ZFAT: variants seen among roughly 807,000 people sequenced by gnomAD.
ZFAT encodes the protein zinc finger and AT-hook domain containing, also known as zinc finger protein ZFAT.
Under a neutral mutation model 117.7 loss-of-function variants are expected in ZFAT, and 64 were observed. The observed-to-expected ratio is 0.54, with a 90% CI of 0.44 to 0.67. The LOEUF (loss-of-function observed/expected upper bound fraction) is 0.67. Among genes scored for constraint, ZFAT ranks in the 30% least tolerant of loss-of-function variants. The probability of loss-of-function intolerance (pLI) is 0.00; values close to 1 mark genes in which losing one functional copy is unlikely to be tolerated. For missense variants in ZFAT, 1,433 were observed against 1,584.5 expected (o/e 0.90, Z 1.62); for synonymous variants, 679 against 615.0 (o/e 1.10, Z -1.54).
the ZFAT span, among the ~76,000 whole-genome samples, chr8:134,721,619 T>A: frequency 6.6e-6 from 1 of 152,234 alleles, no homozygotes; most frequent in South Asian, 2.1e-4. Context: ...TAGAACATTT[T>A]ACCCATATTT....
At chr8:134,804,721 GGAGA>G in the ZFAT span, among the ~76,000 whole-genome samples, 1 of 152,164 alleles carries the variant, frequency 6.6e-6, no homozygotes, top group Non-Finnish European at 1.5e-5. Context: ...CCTGTTATTA[GGAGA>G]GCACCCTACA....
chr8:134,509,867 C>G lies in ZFAT; in HGVS notation c.3362-118G>C, dbSNP rs994012646. On this transcript the variant is annotated intron_variant, in intron 14 of 15. Coordinates refer to ENST00000377838, the MANE Select transcript of ZFAT (RefSeq NM_020863.4). ...GCCTTCTCCAGAGGATGCATGGGCT[C>G]TCCGTAATCGCTCAGTTTGACAACA... 7.7e-6 allele frequency: 10 copies of G among 1,294,220 alleles called. No individual in the cohort carries two copies. The African/African-American group carries it at 1.2e-4, about 15-fold the overall frequency. The allele number at this position is 1,294,220 out of a possible 1,614,324, so 80.2% of individuals were successfully genotyped here.
chr8:134,692,751 C>A (rs1833643741), intron 1 of ZFAT, among the ~76,000 whole-genome samples: 1 of 152,238 alleles, frequency 6.6e-6, no homozygotes, highest in Non-Finnish European at 1.5e-5. Flanking sequence ...ACACCAGATG[C>A]CTCGGGCTAA....
At chr8:134,657,448 G>T in intron 2 of ZFAT, 113 bp downstream of exon 2, 2 of 1,126,294 alleles carry the variant, frequency 1.8e-6, no homozygotes, top group Non-Finnish European at 2.5e-6. Flanking sequence ...GAGACTTATT[G>T]TGACTTCTGA....
intron 10 of ZFAT, among the ~76,000 whole-genome samples, chr8:134,571,319 A>G (rs780936828): frequency 6.6e-6 from 1 of 152,240 alleles, no homozygotes; most frequent in Non-Finnish European, 1.5e-5. Context: ...CTAAGATGGA[A>G]GGATGAGGAG....
the ZFAT span, among the ~76,000 whole-genome samples, chr8:134,763,616 C>G: frequency 6.6e-6 from 1 of 152,172 alleles, no homozygotes; most frequent in Non-Finnish European, 1.5e-5. Flanking sequence ...AATGTAGGCT[C>G]CTCAAGTACA....
At chr8:134,609,775 G>A (rs1828178486) in intron 4 of ZFAT, among the ~76,000 whole-genome samples, 1 of 152,042 alleles carries the variant, frequency 6.6e-6, no homozygotes, top group Admixed American at 6.6e-5. Flanking sequence ...TAAAAATATA[G>A]TGTCACATAT....
At chr8:134,790,083 T>G in the ZFAT span, among the ~76,000 whole-genome samples, 1 of 152,196 alleles carries the variant, frequency 6.6e-6, no homozygotes, top group Non-Finnish European at 1.5e-5. Flanking sequence ...GTAGAAATTT[T>G]TATTAGTGAC....
intron 2 of ZFAT, among the ~76,000 whole-genome samples, chr8:134,651,006 C>A (rs1831201923): frequency 6.6e-6 from 1 of 152,160 alleles, no homozygotes; most frequent in Non-Finnish European, 1.5e-5. Flanking sequence ...GGGATGGGTA[C>A]AAACCAAAAT....
chr8:134,792,762 G>C, the ZFAT span: 2 of 152,132 alleles, frequency 1.3e-5, no homozygotes, highest in Non-Finnish European at 2.9e-5. Flanking sequence ...CATATGACTA[G>C]AAAGTAGCAG....
chr8:134,685,790 A>G (rs897691115), intron 1 of ZFAT, among the ~76,000 whole-genome samples: 4 of 152,224 alleles, frequency 2.6e-5, no homozygotes, highest in Non-Finnish European at 5.9e-5. Context: ...AGGGCACTAC[A>G]TCTGACTAGG....
the ZFAT span, chr8:134,784,460 A>G: frequency 2.0e-5 from 3 of 152,214 alleles, no homozygotes; most frequent in African/African-American, 7.2e-5. Flanking sequence ...GCTAATCACT[A>G]GAACCCCAAA....
intron 5 of ZFAT, 94 bp from the exon 6 acceptor site, chr8:134,603,027 A>G (rs1827632109): frequency 2.7e-6 from 4 of 1,508,218 alleles, no homozygotes; most frequent in Non-Finnish European, 1.8e-6. Flanking sequence ...TAAAGGCTGA[A>G]AAGTGAACAA....
At chr8:134,584,074 G>GAA in intron 9 of ZFAT, 69 bp from the exon 10 acceptor site, 1 of 1,377,552 alleles carries the variant, frequency 7.3e-7, no homozygotes, top group Non-Finnish European at 9.9e-7. Flanking sequence ...GAATCTGAAG[G>GAA]AATATATATA....
chr8:134,493,740 C>A (rs1016808888), intron 15 of ZFAT, among the ~76,000 whole-genome samples: 1 of 152,164 alleles, frequency 6.6e-6, no homozygotes, highest in African/African-American at 2.4e-5. Context: ...CTGCTGCCCC[C>A]TTCCCTCCCC....
In ZFAT at chr8:134,578,473, G is replaced by C. The variant is rs573412271; in HGVS notation, c.2887+5359C>G. On this transcript the variant is annotated intron_variant, in intron 10 of 15. Transcript: ENST00000377838. ...GTGTGGAGAGATGCTAGCTGGGGGA[G>C]AGTAGGAGAAGACATCAGAGAGATG... Among the ~76,000 whole-genome samples, 13 of 151,756 alleles carry C rather than the reference G, an allele frequency of 8.6e-5. No individual in the cohort carries two copies. The South Asian group carries it at 2.5e-3, about 29-fold the overall frequency.
chr8:134,522,496 G>C (rs140353898), intron 12 of ZFAT, among the ~76,000 whole-genome samples: 1 of 152,270 alleles, frequency 6.6e-6, no homozygotes, highest in East Asian at 1.9e-4. Context: ...TCAATTTCTG[G>C]AGAATCTTCA....
At chr8:134,495,474 G>A (rs889334237) in intron 15 of ZFAT, among the ~76,000 whole-genome samples, 2 of 152,108 alleles carry the variant, frequency 1.3e-5, no homozygotes, top group African/African-American at 2.4e-5. Flanking sequence ...GTGAGCATTC[G>A]GTTCATCATC....
chr8:134,517,550 C>T (rs867556154), intron 13 of ZFAT, among the ~76,000 whole-genome samples: 22 of 152,148 alleles, frequency 1.4e-4, no homozygotes, highest in African/African-American at 5.1e-4. Flanking sequence ...GTAATCATGG[C>T]GCAATGATCA....
Sources: allele counts gnomAD v4.1 joint callset (sites outside exome capture counted in the v4.1 genomes callset), GRCh38; gene constraint gnomAD v4.1.1; transcripts MANE v1.5; gene names NCBI Gene and HGNC (gene_info 2026-07-23, HGNC 2026-07-21).